EWSR1: variants seen among roughly 807,000 people sequenced by gnomAD.
EWSR1 encodes RNA-binding protein EWS.
A neutral mutation model predicts 92.1 loss-of-function variants in EWSR1; 14 were observed. That is an observed-to-expected ratio of 0.15 (90% confidence interval 0.10 to 0.24). The LOEUF (loss-of-function observed/expected upper bound fraction) is 0.24, where lower values mean the gene tolerates loss of function less well. Ranked by LOEUF, EWSR1 falls within the 10% of genes least tolerant of loss-of-function variation. The probability of loss-of-function intolerance (pLI) is 1.00; values close to 1 mark genes in which losing one functional copy is unlikely to be tolerated. For missense variants in EWSR1, 637 were observed against 870.9 expected, an observed-to-expected ratio of 0.73 and a Z score of 3.38; for synonymous variants, 303 against 292.9, an observed-to-expected ratio of 1.03 and a Z score of -0.35.
At chr22:29,268,387 C>T (rs755862686) in intron 1 of EWSR1, 38 bp downstream of exon 1, 27 of 1,613,730 alleles carry the variant, frequency 1.7e-5, no homozygotes, top group South Asian at 5.5e-5. Flanking sequence ...CGGCGGTAGC[C>T]GGAACGCCCA....
intron 1 of EWSR1, among the ~76,000 whole-genome samples, chr22:29,268,659 C>CGGGGCCTGCGGCCTTCG (rs1196225779): frequency 8.5e-5 from 13 of 152,144 alleles, no homozygotes; most frequent in African/African-American, 2.7e-4. Flanking sequence ...GCCACGTGGG[C>CGGGGCCTGCGGCCTTCG]GGGGCCTGCG....
chr22:29,275,927 G>GTTTTTTTTTTTTTTT (rs1325502080), intron 4 of EWSR1: 1 of 195,212 alleles, frequency 5.1e-6, no homozygotes. Context: ...TTGTTTTTTT[G>GTTTTTTTTTTTTTTT]TTTTTTTGTT....
At chr22:29,292,717 C>G (rs2147573376) in intron 11 of EWSR1, 111 bp downstream of exon 11, 1 of 561,734 alleles carries the variant, frequency 1.8e-6, no homozygotes, top group East Asian at 2.9e-5. Flanking sequence ...TGCCTGACTT[C>G]TTTCTAGGTA....
chr22:29,270,051 C>T (rs1166851183), intron 1 of EWSR1, among the ~76,000 whole-genome samples: 5 of 152,186 alleles, frequency 3.3e-5, no homozygotes, highest in Non-Finnish European at 5.9e-5. Flanking sequence ...TTAGGCTAGA[C>T]CTCTTAAGCT....
chr22:29,283,352 G>A (rs1051373169), intron 6 of EWSR1, among the ~76,000 whole-genome samples: 2 of 151,660 alleles, frequency 1.3e-5, no homozygotes, highest in East Asian at 3.9e-4. Flanking sequence ...TATTATTATC[G>A]CCTGGCCAAG....
At chr22:29,268,680 C>T (rs892468825) in intron 1 of EWSR1, among the ~76,000 whole-genome samples, 2 of 152,284 alleles carry the variant, frequency 1.3e-5, no homozygotes, top group South Asian at 2.1e-4. Context: ...GCCTTCGAGG[C>T]CCTGCGTGAA....
intron 8 of EWSR1, chr22:29,290,508 G>A (rs2060366667): frequency 1.2e-6 from 2 of 1,611,810 alleles, no homozygotes; most frequent in Non-Finnish European, 1.7e-6. Context: ...GACTAGACAC[G>A]GTGTCCATAT....
At chr22:29,273,675 C>A (rs2146833712) in intron 3 of EWSR1, 66 bp from the exon 4 acceptor site, 1 of 1,553,802 alleles carries the variant, frequency 6.4e-7, no homozygotes, top group Non-Finnish European at 8.7e-7. Context: ...CCAATTTAGT[C>A]CATTTTATTG....
chr22:29,272,110 C>G (rs1366316085), intron 1 of EWSR1, 106 bp from the exon 2 acceptor site: 2 of 1,025,700 alleles, frequency 1.9e-6, no homozygotes, highest in Non-Finnish European at 3.0e-6. Context: ...GCAGGTCTCC[C>G]TACAGTTTAA....
In EWSR1 at chr22:29,280,310, C is replaced by T. The variant is rs376506198; in HGVS notation, c.414-2080C>T. ...CTCGAACTCGTGACCTCAAGTGATCCGCCTGCCTTGGCCTCCCAAAGTGCT... is the reference window on the plus strand; with the variant it reads ...CTCGAACTCGTGACCTCAAGTGATCTGCCTGCCTTGGCCTCCCAAAGTGCT... On this transcript the variant is annotated intron_variant, in intron 5 of 16. Coordinates refer to ENST00000397938, the MANE Select transcript of EWSR1 (RefSeq NM_005243.4). Among the ~76,000 whole-genome samples the T allele has an allele frequency of 1.6e-3, 241 of 152,252 alleles. 2 individuals carry two copies. Among genetic ancestry groups the T allele is most frequent in the Non-Finnish European group, 2.6e-3 (177 of 68,018 alleles).
chr22:29,276,444 T>C (rs1019313590), intron 4 of EWSR1: 2 of 221,468 alleles, frequency 9.0e-6, no homozygotes, highest in Non-Finnish European at 1.8e-5. Flanking sequence ...CTTTTAATAT[T>C]TGAGGTAGAG....
In EWSR1 at chr22:29,273,796, C is replaced by G. The variant is rs757233633; in HGVS notation, c.158C>G (p.Thr53Ser). The G allele has an allele frequency of 1.2e-6, 2 of 1,613,862 alleles. No homozygotes were observed. Among genetic ancestry groups the G allele is most frequent in the South Asian group, 2.2e-5 (2 of 91,074 alleles). ...TYGQPTDVSY[T>S]QAQTTATYGQ... ...GGACAGCCCACTGATGTCAGCTATA[C>G]CCAGGCTCAGACCACTGCAACCTAT... The change falls in exon 4 of 17, where the codon ACC becomes AGC. Residue 53 changes from threonine (T) to serine (S), a missense_variant. Thr to Ser is a moderately conservative substitution (Grantham distance 58, BLOSUM62 1). Coordinates refer to ENST00000397938, the MANE Select transcript of EWSR1 (RefSeq NM_005243.4).
chr22:29,282,299 G>A (rs2059672953), intron 5 of EWSR1, 91 bp from the exon 6 acceptor site: 1 of 994,734 alleles, frequency 1.0e-6, no homozygotes, highest in African/African-American at 1.7e-5. Flanking sequence ...ATTGCTCGTA[G>A]CTTTGTAGCA....
At chr22:29,282,634 C>T in intron 6 of EWSR1, 77 bp downstream of exon 6, 1 of 1,252,248 alleles carries the variant, frequency 8.0e-7, no homozygotes, top group South Asian at 1.8e-5. Context: ...CTTGCTTTGA[C>T]TTCTTCAGCT....
chr22:29,281,422 A>C lies in EWSR1; in HGVS notation c.414-968A>C, dbSNP rs2059594362. ...ATGCCCCAGCAGTCCCTCCCACCTC[A>C]GTCTTCCAAGTAGCTGAGACCACAG... On this transcript the variant is annotated intron_variant, in intron 5 of 16. Transcript: ENST00000397938. Among the ~76,000 whole-genome samples the C allele has an allele frequency of 1.3e-5, 2 of 151,830 alleles. 1 individual carries two copies. Among genetic ancestry groups the C allele is most frequent in the Non-Finnish European group, 2.9e-5 (2 of 67,950 alleles).
At chr22:29,290,876 C>T (rs2147500158) in intron 8 of EWSR1, 2 of 255,448 alleles carry the variant, frequency 7.8e-6, no homozygotes. Flanking sequence ...TCATATTTCC[C>T]TCTCCCCTCT....
At chr22:29,297,792 A>G (rs1205438102) in intron 12 of EWSR1, 35 bp from the exon 13 acceptor site, 23 of 1,611,980 alleles carry the variant, frequency 1.4e-5, no homozygotes, top group Non-Finnish European at 2.0e-5. Flanking sequence ...CAGGGAGTAC[A>G]GGGGAGTAAT....
intron 1 of EWSR1, chr22:29,269,437 C>T (rs1220507029): frequency 6.6e-6 from 1 of 152,204 alleles, no homozygotes; most frequent in African/African-American, 2.4e-5. Context: ...CTAGCCATCA[C>T]CTGCAGTTCG....
chr22:29,283,326 CTT>C (rs1491211366), intron 6 of EWSR1, among the ~76,000 whole-genome samples: 1 of 152,150 alleles, frequency 6.6e-6, no homozygotes, highest in Non-Finnish European at 1.5e-5. Context: ...TGGGCCAACT[CTT>C]TTTATTTTAT....
Sources: gnomAD v4.1 joint callset for allele counts (sites outside exome capture counted in the v4.1 genomes callset) on GRCh38, gnomAD v4.1.1 for gene constraint, MANE v1.5 for transcripts, NCBI Gene and HGNC (gene_info 2026-07-23, HGNC 2026-07-21) for gene names.